The following ARIH2 variants were observed in gnomAD, a reference collection of about 807,000 sequenced individuals.
ARIH2 encodes E3 ubiquitin-protein ligase ARIH2.
Under a neutral mutation model 79.8 loss-of-function variants are expected in ARIH2, and 12 were observed. The ratio of observed to expected loss-of-function variants is 0.15; its 90% CI spans 0.10 to 0.24. ARIH2 has a LOEUF of 0.24. Among genes scored for constraint, ARIH2 ranks in the 10% least tolerant of loss-of-function variants. The probability of loss-of-function intolerance (pLI) is 1.00; values close to 1 mark genes in which losing one functional copy is unlikely to be tolerated. For missense variants in ARIH2, 301 were observed against 618.3 expected, an observed-to-expected ratio of 0.49 and a Z score of 5.44; for synonymous variants, 224 against 213.9, an observed-to-expected ratio of 1.05 and a Z score of -0.41.
chr3:48,936,624 T>C (rs1478716220), intron 3 of ARIH2, among the ~76,000 whole-genome samples: 1 of 152,076 alleles, frequency 6.6e-6, no homozygotes, highest in Non-Finnish European at 1.5e-5. Context: ...TTCCAGCTAC[T>C]TGGGAGGCTG....
intron 3 of ARIH2, among the ~76,000 whole-genome samples, chr3:48,954,749 T>C (rs1037044839): frequency 6.6e-6 from 1 of 152,246 alleles, no homozygotes; most frequent in Non-Finnish European, 1.5e-5. Context: ...GTACCCTTTT[T>C]GGCCCTTGAT....
chr3:48,942,561 C>T (rs1303200471), intron 3 of ARIH2, among the ~76,000 whole-genome samples: 1 of 151,018 alleles, frequency 6.6e-6, no homozygotes, highest in Non-Finnish European at 1.5e-5. Context: ...GGAGTGCAAC[C>T]TCCGCCTCCC....
chr3:48,979,441 T>C (rs2092674682), intron 11 of ARIH2, 41 bp from the exon 12 acceptor site: 22 of 1,597,496 alleles, frequency 1.4e-5, no homozygotes, highest in Non-Finnish European at 1.9e-5. Context: ...AAAGTGGAGT[T>C]GTCTTGTAGA....
At position 48,953,056 on chromosome 3, in the gene ARIH2, A is replaced by G. The variant is rs148696565; in HGVS notation, c.256-8556A>G. On this transcript the variant is annotated intron_variant, in intron 3 of 15. Coordinates refer to ENST00000356401, the MANE Select transcript of ARIH2 (RefSeq NM_006321.4). ...CCGATTCTCATACTTCAGCTTCCCA[A>G]GTAGCTGGGATTACAGGTGCCCACC... is the stretch of plus-strand genomic sequence containing the variant. Among the ~76,000 whole-genome samples the G allele has an allele frequency of 3.3e-5, 5 of 152,166 alleles. No homozygotes were observed. The East Asian group carries it at 9.7e-4, about 29-fold the overall frequency.
At chr3:48,939,791 CAAAA>C (rs1172938316) in intron 3 of ARIH2, among the ~76,000 whole-genome samples, 2 of 127,444 alleles carry the variant, frequency 1.6e-5, no homozygotes, top group East Asian at 2.3e-4. Flanking sequence ...AACAAAAAAA[CAAAA>C]AAAAAAACTG....
chr3:48,954,761 T>C (rs1304081790), intron 3 of ARIH2, among the ~76,000 whole-genome samples: 2 of 152,240 alleles, frequency 1.3e-5, no homozygotes, highest in Non-Finnish European at 2.9e-5. Context: ...GCCCTTGATA[T>C]GGAGGGAACA....
At chr3:48,946,931 T>A (rs899450677) in intron 3 of ARIH2, among the ~76,000 whole-genome samples, 2 of 152,196 alleles carry the variant, frequency 1.3e-5, no homozygotes, top group African/African-American at 4.8e-5. Context: ...TACACTTTCC[T>A]TCCCTAGCTC....
chr3:48,941,247 G>T (rs1031722028), intron 3 of ARIH2, among the ~76,000 whole-genome samples: 1 of 151,958 alleles, frequency 6.6e-6, no homozygotes, highest in Non-Finnish European at 1.5e-5. Flanking sequence ...ATTGACATTG[G>T]AACCACAGTG....
intron 3 of ARIH2, chr3:48,945,301 C>G: frequency 1.3e-6 from 1 of 786,470 alleles, no homozygotes; most frequent in Non-Finnish European, 1.8e-6. Flanking sequence ...GAGCTTCAGC[C>G]AGCTAGAGGA....
Position 48,983,606 on chromosome 3 carries a change from CAAA to C in ARIH2, c.*348_*350del, listed in dbSNP as rs60243443. The C allele has an allele frequency of 2.3e-4, 35 of 151,814 alleles. No homozygotes were observed. Among genetic ancestry groups the C allele is most frequent in the South Asian group, 5.3e-4 (3 of 5,656 alleles). The allele number at this position is 151,814 out of a possible 1,614,324, so 9.4% of individuals were successfully genotyped here. A position where few individuals can be genotyped will look rare whatever the true frequency, so the allele number is the denominator to read the frequency against. On this transcript the variant is annotated 3_prime_UTR_variant, in exon 16 of 16. Coordinates refer to ENST00000356401, the MANE Select transcript of ARIH2 (RefSeq NM_006321.4). The stretch of plus-strand genomic sequence containing the variant: ...AACTTTCAAAGGTTGTACAATTATA[CAAA>C]AAAAAAAAAAAGGCAAACTATAGGA...
At chr3:48,970,331 A>G (rs2092139882) in intron 7 of ARIH2, among the ~76,000 whole-genome samples, 1 of 152,346 alleles carries the variant, frequency 6.6e-6, no homozygotes, top group South Asian at 2.1e-4. Context: ...AGCTAGGACT[A>G]TAGGCAGGAG....
intron 3 of ARIH2, among the ~76,000 whole-genome samples, chr3:48,931,884 C>G (rs968664204): frequency 6.6e-6 from 1 of 152,082 alleles, no homozygotes; most frequent in African/African-American, 2.4e-5. Context: ...TGGTGGGCAC[C>G]TGTAGTCCCA....
At chr3:48,970,260 C>G (rs1359153815) in intron 7 of ARIH2, among the ~76,000 whole-genome samples, 1 of 152,128 alleles carries the variant, frequency 6.6e-6, no homozygotes, top group Admixed American at 6.5e-5. Context: ...TCGGTGCAAT[C>G]AGCTCACTGC....
intron 3 of ARIH2, among the ~76,000 whole-genome samples, chr3:48,938,208 G>T (rs2107157689): frequency 6.6e-6 from 1 of 152,300 alleles, no homozygotes; most frequent in African/African-American, 2.4e-5. Context: ...TTATGATACT[G>T]TAGTAGAATA....
intron 3 of ARIH2, among the ~76,000 whole-genome samples, chr3:48,930,711 C>T (rs2086253033): frequency 6.6e-6 from 1 of 152,172 alleles, no homozygotes; most frequent in African/African-American, 2.4e-5. Context: ...CTCTGGTTGT[C>T]TTGTTGCACA....
intron 2 of ARIH2, among the ~76,000 whole-genome samples, chr3:48,923,960 C>G (rs944153263): frequency 1.3e-5 from 2 of 152,072 alleles, no homozygotes; most frequent in Non-Finnish European, 1.5e-5. Flanking sequence ...ATAGTAAAAC[C>G]CTGTTTATAC....
chr3:48,919,036 G>A (rs1317724775), intron 1 of ARIH2, 38 bp downstream of exon 1: 1 of 1,355,954 alleles, frequency 7.4e-7, no homozygotes, highest in South Asian at 1.9e-5. Context: ...TGTTTACCTT[G>A]GCTGGCCGCT....
At chr3:48,976,058 T>C (rs1457435895) in intron 11 of ARIH2, among the ~76,000 whole-genome samples, 1 of 151,580 alleles carries the variant, frequency 6.6e-6, no homozygotes, top group African/African-American at 2.4e-5. Flanking sequence ...TTACAGGCAC[T>C]CACCACCACA....
chr3:48,926,814 T>C (rs903426611), intron 2 of ARIH2: 1 of 152,286 alleles, frequency 6.6e-6, no homozygotes, highest in East Asian at 1.9e-4. Context: ...CCTCCCACAG[T>C]GCTGGGATTA....
Sources: gnomAD v4.1 joint callset for allele counts (sites outside exome capture counted in the v4.1 genomes callset) on GRCh38, gnomAD v4.1.1 for gene constraint, MANE v1.5 for transcripts, NCBI Gene and HGNC (gene_info 2026-07-23, HGNC 2026-07-21) for gene names.